NELL1: variants seen among roughly 807,000 people sequenced by gnomAD.
The protein encoded by NELL1 is protein kinase C-binding protein NELL1.
In NELL1, 76 loss-of-function variants were observed where a neutral mutation model predicts 107.4. That is an observed-to-expected ratio of 0.71 (90% CI 0.59 to 0.86). The LOEUF (loss-of-function observed/expected upper bound fraction) is 0.86. NELL1 is among the 40% of genes least tolerant of loss of function. The pLI is 0.00. For synonymous variants in NELL1, 353 were observed against 341.2 expected (o/e 1.03, Z -0.38); for missense variants, 1,024 against 1,005.5 (o/e 1.02, Z -0.25).
intron 2 of NELL1, among the ~76,000 whole-genome samples, chr11:20,749,681 G>A (rs1856089676): frequency 6.6e-6 from 1 of 152,012 alleles, no homozygotes; most frequent in Admixed American, 6.6e-5. Context: ...TGTTATTGAT[G>A]AGTTTTTATA....
intron 10 of NELL1, among the ~76,000 whole-genome samples, chr11:20,938,415 T>C (rs779440572): frequency 6.6e-6 from 1 of 152,214 alleles, no homozygotes; most frequent in Non-Finnish European, 1.5e-5. Flanking sequence ...AGTCACTGTC[T>C]TTATAGAACT....
intron 2 of NELL1, among the ~76,000 whole-genome samples, chr11:20,716,758 C>T (rs1054276031): frequency 4.6e-5 from 7 of 152,148 alleles, no homozygotes; most frequent in Non-Finnish European, 1.0e-4. Context: ...TTCATTTTTA[C>T]CATTTGTAAA....
At chr11:21,346,168 T>C (rs1278171848) in intron 14 of NELL1, among the ~76,000 whole-genome samples, 1 of 152,168 alleles carries the variant, frequency 6.6e-6, no homozygotes, top group Non-Finnish European at 1.5e-5. Flanking sequence ...AACATCTCTC[T>C]CTTCCTCTGT....
chr11:20,975,997 T>C (rs58451946), intron 12 of NELL1, among the ~76,000 whole-genome samples: 18,707 of 130,914 alleles, frequency 0.14, 2,066 homozygotes, highest in Middle Eastern at 0.24. Flanking sequence ...CATATATGTG[T>C]ATTATATATA....
chr11:21,042,845 C>A (rs1009350572), intron 12 of NELL1, among the ~76,000 whole-genome samples: 3 of 152,090 alleles, frequency 2.0e-5, no homozygotes, highest in African/African-American at 7.2e-5. Flanking sequence ...TGGCTTATTA[C>A]CATGGCAGTA....
intron 2 of NELL1, among the ~76,000 whole-genome samples, chr11:20,701,574 G>T (rs1854788961): frequency 6.6e-6 from 1 of 152,142 alleles, no homozygotes; most frequent in Non-Finnish European, 1.5e-5. Context: ...TAGACATGAA[G>T]TCCTTGCCCA....
chr11:21,500,800 T>C lies in NELL1; in HGVS notation c.1646-33574T>C, dbSNP rs73469177. On this transcript the variant is annotated intron_variant, in intron 15 of 19. Coordinates refer to ENST00000357134, the MANE Select transcript of NELL1 (RefSeq NM_006157.5). ...CAGATATGTTACCTCATTTGAACTT[T>C]ATTCCTACTCTGCAAATAAGTCATT... Among the ~76,000 whole-genome samples, 1,236 of 152,226 alleles carry C rather than the reference T, an allele frequency of 8.1e-3. 19 individuals are homozygous for C. The highest frequency in any genetic ancestry group is 0.028 in the African/African-American group (1,180 of 41,506).
In NELL1 at chr11:20,766,046, C is replaced by T. The variant is rs539134372; in HGVS notation, c.185-17634C>T. On this transcript the variant is annotated intron_variant, in intron 2 of 19. Transcript: ENST00000357134. ...GGGTTTTGAACAAGGCAGTGGCATA[C>T]GTAATCAGTTGTGACACAAGTATGT... is the stretch of plus-strand genomic sequence containing the variant. Among the ~76,000 whole-genome samples the T allele has an allele frequency of 4.8e-4, 73 of 152,250 alleles. 1 individual carries two copies. The highest frequency in any genetic ancestry group is 1.8e-3 in the African/African-American group (73 of 41,548).
intron 13 of NELL1, among the ~76,000 whole-genome samples, chr11:21,149,272 A>C (rs1344748806): frequency 6.6e-6 from 1 of 152,202 alleles, no homozygotes; most frequent in East Asian, 1.9e-4. Flanking sequence ...ATTTCCTAAA[A>C]TCTGAAGGAA....
intron 5 of NELL1, among the ~76,000 whole-genome samples, chr11:20,887,319 T>C (rs76253904): frequency 4.6e-5 from 7 of 152,334 alleles, no homozygotes; most frequent in Non-Finnish European, 8.8e-5. Context: ...ATACAGGTTT[T>C]TGTGTGAACA....
intron 3 of NELL1, among the ~76,000 whole-genome samples, chr11:20,793,315 TTTAC>T (rs1857110535): frequency 1.3e-5 from 2 of 151,996 alleles, no homozygotes; most frequent in South Asian, 4.1e-4. Flanking sequence ...TATAGTCTCT[TTTAC>T]TTAATAAAAT....
At chr11:20,690,322 A>G (rs1235745491) in intron 2 of NELL1, among the ~76,000 whole-genome samples, 1 of 152,264 alleles carries the variant, frequency 6.6e-6, no homozygotes, top group South Asian at 2.1e-4. Context: ...TTTTGTTGCC[A>G]TTGCTTTTGG....
chr11:21,409,396 A>G (rs1852317444), intron 15 of NELL1, among the ~76,000 whole-genome samples: 2 of 151,982 alleles, frequency 1.3e-5, no homozygotes, highest in African/African-American at 4.8e-5. Context: ...ACACATGGAC[A>G]CAGGAAGGGG....
intron 16 of NELL1, among the ~76,000 whole-genome samples, chr11:21,555,511 T>C (rs1279839262): frequency 2.0e-5 from 3 of 151,784 alleles, no homozygotes; most frequent in Admixed American, 2.0e-4. Flanking sequence ...CAGTGTTATA[T>C]TTTTCCTTTG....
chr11:21,022,946 T>C (rs1021555064), intron 12 of NELL1, among the ~76,000 whole-genome samples: 1 of 152,008 alleles, frequency 6.6e-6, no homozygotes, highest in African/African-American at 2.4e-5. Flanking sequence ...GGGGCTGTGA[T>C]AGGAAAGAAG....
At chr11:21,572,216 G>A (rs570756437) in intron 18 of NELL1, among the ~76,000 whole-genome samples, 1 of 151,902 alleles carries the variant, frequency 6.6e-6, no homozygotes, top group African/African-American at 2.4e-5. Context: ...TTAATTTGAT[G>A]CATGAAATTT....
chr11:21,561,496 T>C (rs1161124080), intron 17 of NELL1, among the ~76,000 whole-genome samples: 2 of 152,124 alleles, frequency 1.3e-5, no homozygotes, highest in Non-Finnish European at 2.9e-5. Flanking sequence ...TCATGTTTAC[T>C]TCTTACAGCA....
chr11:21,254,424 G>A (rs1326896222), intron 14 of NELL1, among the ~76,000 whole-genome samples: 1 of 151,976 alleles, frequency 6.6e-6, no homozygotes, highest in Non-Finnish European at 1.5e-5. Context: ...AGCAAACAAA[G>A]GCATAAATTA....
At chr11:21,059,725 G>A (rs1314687457) in intron 12 of NELL1, among the ~76,000 whole-genome samples, 1 of 151,988 alleles carries the variant, frequency 6.6e-6, no homozygotes, top group South Asian at 2.1e-4. Context: ...CAGAGCATGG[G>A]GATGAGTAAA....
Sources: allele counts gnomAD v4.1 joint callset (sites outside exome capture counted in the v4.1 genomes callset), GRCh38; gene constraint gnomAD v4.1.1; transcripts MANE v1.5; gene names NCBI Gene and HGNC (gene_info 2026-07-23, HGNC 2026-07-21).